Variants in OLFM2 observed in about 807,000 individuals in gnomAD.
OLFM2 encodes noelin-2.
In OLFM2, 20 loss-of-function variants were observed where a neutral mutation model predicts 43.9. The ratio of observed to expected loss-of-function variants is 0.46; its 90% CI spans 0.32 to 0.66. The LOEUF (loss-of-function observed/expected upper bound fraction) is 0.66. OLFM2 is among the 30% of genes least tolerant of loss of function. OLFM2 has a pLI of 0.04. For missense variants in OLFM2, 416 were observed against 643.6 expected (o/e 0.65, Z 3.83); for synonymous variants, 268 against 278.6 (o/e 0.96, Z 0.38).
chr19:9,906,609 C>G (rs1477837813), intron 1 of OLFM2, among the ~76,000 whole-genome samples: 1 of 152,014 alleles, frequency 6.6e-6, no homozygotes, highest in Non-Finnish European at 1.5e-5. Context: ...TGCGGAAACT[C>G]AAATACAAAC....
In OLFM2 at chr19:9,856,790, T is replaced by G. The variant is rs746690748; in HGVS notation, c.687+17A>C. 2.5e-6 allele frequency: 4 copies of G among 1,602,910 alleles called. No homozygotes were observed. The East Asian group carries it at 9.0e-5, about 36-fold the overall frequency. ...CCCTCCCAGGCCCTGACCCCAGGGG[T>G]GGGCGCAGTCACTCACCCGGCTATC... On this transcript the variant is annotated intron_variant, in intron 5 of 5. Transcript: ENST00000264833. The surrounding 1 kb of genome is among the most constrained non-coding windows in gnomAD (Gnocchi z 4.0).
chr19:9,893,277 G>A (rs768877153), intron 1 of OLFM2, among the ~76,000 whole-genome samples: 20 of 151,456 alleles, frequency 1.3e-4, no homozygotes, highest in Admixed American at 6.6e-5. Flanking sequence ...TGATTCTCCC[G>A]CCTCAGCCTC....
In OLFM2 at chr19:9,861,377, A is replaced by G. The variant is rs551397101; in HGVS notation, c.64-583T>C. On this transcript the variant is annotated intron_variant, in intron 1 of 5. Transcript: ENST00000264833. Reference sequence around the variant, plus strand: ...TAACAGAGTGAGACCCTGTCTCACAAAAAAAAAAGGATCTCACCTCAGGTG... The same window carrying G: ...TAACAGAGTGAGACCCTGTCTCACAGAAAAAAAAGGATCTCACCTCAGGTG... 7.3e-5 allele frequency among the ~76,000 whole-genome samples: 11 copies of G among 150,252 alleles called. No homozygotes were observed. The South Asian group carries it at 1.3e-3, about 17-fold the overall frequency.
chr19:9,886,829 C>T (rs564978004), intron 1 of OLFM2, among the ~76,000 whole-genome samples: 1 of 152,166 alleles, frequency 6.6e-6, no homozygotes, highest in East Asian at 1.9e-4. Context: ...GGATTACAGG[C>T]ATGTGCCACC....
intron 1 of OLFM2, chr19:9,913,824 TTA>T (rs1377087121): frequency 6.0e-6 from 2 of 334,342 alleles, no homozygotes; most frequent in African/African-American, 4.5e-5. Context: ...CGGGCTCCTC[TTA>T]TAAAGCGCCG....
intron 1 of OLFM2, among the ~76,000 whole-genome samples, chr19:9,912,637 T>TTC (rs1173060276): frequency 6.6e-6 from 1 of 150,734 alleles, no homozygotes; most frequent in Non-Finnish European, 1.5e-5. Context: ...CCCCACTGAG[T>TTC]TCTCTCCTTC....
At chr19:9,858,656 C>T (rs537116005) in intron 2 of OLFM2, among the ~76,000 whole-genome samples, 87 of 152,336 alleles carry the variant, frequency 5.7e-4, no homozygotes, top group African/African-American at 2.0e-3. Flanking sequence ...CTGGCCTCTC[C>T]TGACCCAACC....
At chr19:9,871,107 T>C (rs2046438298) in intron 1 of OLFM2, among the ~76,000 whole-genome samples, 1 of 151,584 alleles carries the variant, frequency 6.6e-6, no homozygotes. Flanking sequence ...CCATCTCTAC[T>C]AAAAATACAA....
rs572140028 is a variant in OLFM2, at chr19:9,883,988, C to A, written c.64-23194G>T. Reference sequence around the variant, plus strand: ...GAGCTTAAAATCACAGTAGTCTTAGCTGGGCATGGTGACTCACACCTATAA... The same window carrying A: ...GAGCTTAAAATCACAGTAGTCTTAGATGGGCATGGTGACTCACACCTATAA... On this transcript the variant is annotated intron_variant, in intron 1 of 5. Transcript: ENST00000264833. 9.2e-5 allele frequency among the ~76,000 whole-genome samples: 14 copies of A among 152,238 alleles called. No individual in the cohort carries two copies. The East Asian group carries it at 2.7e-3, about 29-fold the overall frequency.
Position 9,857,781 on chromosome 19 carries a change from G to T in OLFM2, c.294C>A (p.Thr98=). 2 of 1,614,052 alleles carry T rather than the reference G, an allele frequency of 1.2e-6. No homozygotes were observed. The highest frequency in any genetic ancestry group is 1.7e-6 in the Non-Finnish European group (2 of 1,180,004). The stretch of plus-strand genomic sequence containing the variant: ...GCCGCGCATCCAGGCTCCGCATGAG[G>T]GTCTCCATGCCGCGTACATACTGGA... ...RDLQYVRGME[T]LMRSLDARLR... Residue 98 remains threonine, a synonymous_variant, in exon 3 of 6, where the codon ACC becomes ACA. Transcript: ENST00000264833. This position sits in a 1 kb window ranked among gnomAD's most constrained non-coding sequence, Gnocchi z 5.7.
At chr19:9,871,135 G>T (rs1464634595) in intron 1 of OLFM2, among the ~76,000 whole-genome samples, 1 of 151,954 alleles carries the variant, frequency 6.6e-6, no homozygotes, top group African/African-American at 2.4e-5. Context: ...GCTGGGCATG[G>T]TGGCGAGAGC....
intron 1 of OLFM2, among the ~76,000 whole-genome samples, chr19:9,933,670 C>T (rs549445282): frequency 7.9e-5 from 12 of 151,306 alleles, no homozygotes; most frequent in Admixed American, 2.6e-4. Context: ...ATTCTCCTGC[C>T]TCAGCCTCCC....
intron 1 of OLFM2, among the ~76,000 whole-genome samples, chr19:9,916,906 T>TC (rs1379958581): frequency 2.6e-5 from 4 of 152,110 alleles, no homozygotes; most frequent in Non-Finnish European, 4.4e-5. Context: ...AACTCCTTTT[T>TC]CCCTTGACTT....
At chr19:9,898,525 A>G (rs1163669807) in intron 1 of OLFM2, among the ~76,000 whole-genome samples, 2 of 151,862 alleles carry the variant, frequency 1.3e-5, no homozygotes, top group South Asian at 2.1e-4. Context: ...GTCTCAAAAA[A>G]AAAAAAAATT....
In OLFM2 at chr19:9,896,999, C is replaced by T. The variant is rs1013563348; in HGVS notation, c.64-36205G>A. On this transcript the variant is annotated intron_variant, in intron 1 of 5. Coordinates refer to ENST00000264833, the MANE Select transcript of OLFM2 (RefSeq NM_058164.4). ...TTGAGCCCAGGAGTTCAAGACCAGCCCGGGCAACATAGCGAGACCCTGTCT... is the reference window on the plus strand; with the variant it reads ...TTGAGCCCAGGAGTTCAAGACCAGCTCGGGCAACATAGCGAGACCCTGTCT... 5.7e-4 allele frequency among the ~76,000 whole-genome samples: 87 copies of T among 152,146 alleles called. 1 individual carries two copies. The highest frequency in any genetic ancestry group is 3.2e-4 in the Non-Finnish European group (22 of 68,000).
chr19:9,865,667 T>A (rs2046396388), intron 1 of OLFM2, among the ~76,000 whole-genome samples: 1 of 151,250 alleles, frequency 6.6e-6, no homozygotes, highest in African/African-American at 2.4e-5. Flanking sequence ...AATTTTTGTA[T>A]TTTTAGTAGA....
rs141333623 is a variant in OLFM2 at position 9,925,304 on chromosome 19, G to A, written c.63+11000C>T. Among the ~76,000 whole-genome samples, 189 of 152,214 alleles carry A rather than the reference G, an allele frequency of 1.2e-3. 4 individuals carry two copies. In the East Asian group the frequency reaches 0.026, roughly 21 times the overall value. On this transcript the variant is annotated intron_variant, in intron 1 of 5. Coordinates refer to ENST00000264833, the MANE Select transcript of OLFM2 (RefSeq NM_058164.4). ...TATATATTATTCAGTTGACAAAAAC[G>A]TTGTGGTCAGAGGCTTTTGACAAAA...
Position 9,857,610 on chromosome 19 carries a change from T to C in OLFM2, c.360+105A>G, listed in dbSNP as rs2046332030. 6.4e-7 allele frequency: 1 copy of C among 1,571,416 alleles called. No individual in the cohort carries two copies. The highest frequency in any genetic ancestry group is 1.3e-5 in the African/African-American group (1 of 74,288). The stretch of plus-strand genomic sequence containing the variant: ...CACCTGGCCCTTGACATGTGGCTCA[T>C]ATTGGACCCTAGATTCTTCCCAGAC... On this transcript the variant is annotated intron_variant, in intron 3 of 5. Coordinates refer to ENST00000264833, the MANE Select transcript of OLFM2 (RefSeq NM_058164.4). The surrounding 1 kb of genome is among the most constrained non-coding windows in gnomAD (Gnocchi z 5.7).
intron 1 of OLFM2, among the ~76,000 whole-genome samples, chr19:9,865,594 C>T (rs2046396009): frequency 7.2e-6 from 1 of 139,360 alleles, no homozygotes; most frequent in African/African-American, 2.7e-5. Context: ...CAGGTTCAAG[C>T]AATTCTCCTG....
Sources: gnomAD v4.1 joint callset for allele counts (sites outside exome capture counted in the v4.1 genomes callset) on GRCh38, gnomAD v4.1.1 for gene constraint, Gnocchi (gnomAD v3.1) non-coding constraint, MANE v1.5 for transcripts, NCBI Gene and HGNC (gene_info 2026-07-23, HGNC 2026-07-21) for gene names.